The following CHL1 variants were observed in gnomAD, a reference collection of about 807,000 sequenced individuals.
The protein encoded by CHL1 is neural cell adhesion molecule L1-like protein.
CHL1 carries 96 observed loss-of-function variants against 141.9 expected under a neutral mutation model. The ratio of observed to expected loss-of-function variants is 0.68; its 90% confidence interval spans 0.57 to 0.80. The LOEUF is 0.80. Among genes scored for constraint, CHL1 ranks in the 30% least tolerant of loss-of-function variants. The probability of loss-of-function intolerance (pLI) is 0.00; values close to 1 mark genes in which losing one functional copy is unlikely to be tolerated. For missense variants in CHL1, 1,820 were observed against 1,457.2 expected, an observed-to-expected ratio of 1.25 and a Z score of -4.05; for synonymous variants, 613 against 502.2, an observed-to-expected ratio of 1.22 and a Z score of -2.95.
intron 2 of CHL1, among the ~76,000 whole-genome samples, chr3:256,733 C>G (rs1166285950): frequency 6.6e-6 from 1 of 152,116 alleles, no homozygotes; most frequent in East Asian, 1.9e-4. Flanking sequence ...AATTTGGGAA[C>G]GAGGGGAGGA....
intron 1 of CHL1, among the ~76,000 whole-genome samples, chr3:240,259 AT>A (rs529463697): frequency 3.0e-3 from 459 of 152,230 alleles, no homozygotes; most frequent in African/African-American, 0.011. Flanking sequence ...AACATCCACT[AT>A]TTTTTAAATT....
chr3:398,485 T>A (rs938118964), intron 25 of CHL1, 100 bp downstream of exon 25: 13 of 614,828 alleles, frequency 2.1e-5, no homozygotes, highest in Middle Eastern at 3.3e-4. Flanking sequence ...AAACACTGAG[T>A]GTATTAATTA....
chr3:283,317 A>G (rs1696829442), intron 2 of CHL1, among the ~76,000 whole-genome samples: 1 of 152,230 alleles, frequency 6.6e-6, no homozygotes, highest in Non-Finnish European at 1.5e-5. Flanking sequence ...TTGCTATTAA[A>G]TAGAATGAAT....
chr3:331,613 T>G (rs1353128521), intron 5 of CHL1, among the ~76,000 whole-genome samples: 1 of 152,124 alleles, frequency 6.6e-6, no homozygotes. Flanking sequence ...CTACATTTGA[T>G]TTTAGATCCT....
At chr3:334,019 C>T (rs1053313289) in intron 5 of CHL1, among the ~76,000 whole-genome samples, 3 of 152,070 alleles carry the variant, frequency 2.0e-5, no homozygotes, top group African/African-American at 7.2e-5. Context: ...TGCAGTGGTA[C>T]AAACATGGCT....
intron 19 of CHL1, among the ~76,000 whole-genome samples, chr3:386,741 C>A (rs1027718121): frequency 2.0e-5 from 3 of 151,926 alleles, no homozygotes; most frequent in Admixed American, 6.6e-5. Context: ...CCTAATGGAT[C>A]TAGGTTTTAT....
Position 405,824 on chromosome 3 carries a change from C to T in CHL1, c.*113C>T. The T allele has an allele frequency of 1.4e-6, 1 of 724,456 alleles. No homozygotes were observed. Among genetic ancestry groups the T allele is most frequent in the Non-Finnish European group, 2.3e-6 (1 of 435,064 alleles). The allele number at this position is 724,456 out of a possible 1,614,324, so 44.9% of individuals were successfully genotyped here. A position where few individuals can be genotyped will look rare whatever the true frequency, so the allele number is the denominator to read the frequency against. On this transcript the variant is annotated 3_prime_UTR_variant, in exon 28 of 28. Coordinates refer to ENST00000256509, the MANE Select transcript of CHL1 (RefSeq NM_006614.4). ...GAAACATGCTGGCCGAAGATTTCAT[C>T]CAGAAGTCAACATCCTGCAATTATG...
chr3:223,043 C>A (rs1421142086), intron 1 of CHL1, among the ~76,000 whole-genome samples: 1 of 152,152 alleles, frequency 6.6e-6, no homozygotes, highest in East Asian at 1.9e-4. Context: ...TAATCCAGGA[C>A]AATATCTCCC....
intron 3 of CHL1, among the ~76,000 whole-genome samples, chr3:320,918 G>A (rs1484663731): frequency 6.6e-6 from 1 of 151,848 alleles, no homozygotes; most frequent in African/African-American, 2.4e-5. Context: ...TAGAGGTGTT[G>A]GTTGTTTATT....
chr3:224,543 C>T (rs1456853264), intron 1 of CHL1, among the ~76,000 whole-genome samples: 1 of 152,020 alleles, frequency 6.6e-6, no homozygotes, highest in Non-Finnish European at 1.5e-5. Context: ...CTAAGTCTCT[C>T]TCTAGCTTCT....
intron 4 of CHL1, 105 bp downstream of exon 4, chr3:326,169 A>G: frequency 1.5e-6 from 1 of 651,476 alleles, no homozygotes; most frequent in Non-Finnish European, 2.5e-6. Flanking sequence ...TCCACGCATG[A>G]TTAAAGCTAA....
chr3:358,903 G>T (rs955211476), intron 11 of CHL1, among the ~76,000 whole-genome samples: 6 of 149,890 alleles, frequency 4.0e-5, no homozygotes, highest in African/African-American at 1.5e-4. Context: ...TTTTGCATTT[G>T]TGCCCTTCCC....
intron 2 of CHL1, among the ~76,000 whole-genome samples, chr3:255,601 T>A (rs1021085572): frequency 6.6e-6 from 1 of 152,218 alleles, no homozygotes; most frequent in Non-Finnish European, 1.5e-5. Flanking sequence ...TGGGCAAGTA[T>A]CTGTGCTCAA....
Position 361,811 on chromosome 3 carries a change from G to T in CHL1, c.1418+1G>T. 6.3e-7 allele frequency: 1 copy of T among 1,590,090 alleles called. No individual in the cohort carries two copies. Among genetic ancestry groups the T allele is most frequent in the Non-Finnish European group, 8.6e-7 (1 of 1,158,300 alleles). ...CTTCACCTGAGGCAGTCGTGTCCTGGTAAGCCGGTGGCTCATGGTTTTCTT... is the reference window on the plus strand; with the variant it reads ...CTTCACCTGAGGCAGTCGTGTCCTGTTAAGCCGGTGGCTCATGGTTTTCTT... On this transcript the variant is annotated splice_donor_variant, in intron 13 of 27. Coordinates refer to ENST00000256509, the MANE Select transcript of CHL1 (RefSeq NM_006614.4). LOFTEE classifies it high-confidence loss of function.
intron 2 of CHL1, among the ~76,000 whole-genome samples, chr3:259,577 G>T (rs1001930394): frequency 1.8e-4 from 27 of 152,006 alleles, no homozygotes; most frequent in Admixed American, 2.6e-4. Flanking sequence ...ATGTCCCATT[G>T]CTTGTTATCT....
rs186665607 is a variant in CHL1 at position 225,733 on chromosome 3, A to G, written c.-174-18880A>G. Among the ~76,000 whole-genome samples the G allele has an allele frequency of 9.0e-3, 1,375 of 152,112 alleles. 18 individuals are homozygous for G. Among genetic ancestry groups the G allele is most frequent in the African/African-American group, 0.029 (1,208 of 41,526 alleles). ...AACAGTTAAGAATAGGTTATGGCCA[A>G]GCGTGGTGGCTCACGCCTGTAATCC... On this transcript the variant is annotated intron_variant, in intron 1 of 27. Coordinates refer to ENST00000256509, the MANE Select transcript of CHL1 (RefSeq NM_006614.4).
At chr3:323,739 C>T (rs1249622264) in intron 3 of CHL1, among the ~76,000 whole-genome samples, 2 of 152,036 alleles carry the variant, frequency 1.3e-5, no homozygotes, top group Non-Finnish European at 2.9e-5. Flanking sequence ...GCAGAGATGG[C>T]CTTTAGTTCT....
At chr3:223,490 T>G (rs1416388447) in intron 1 of CHL1, among the ~76,000 whole-genome samples, 1 of 152,186 alleles carries the variant, frequency 6.6e-6, no homozygotes, top group East Asian at 1.9e-4. Context: ...ATAAGACCTA[T>G]CTCAGAAGGT....
intron 1 of CHL1, among the ~76,000 whole-genome samples, chr3:208,249 T>C (rs1699607293): frequency 6.6e-6 from 1 of 152,224 alleles, no homozygotes; most frequent in Admixed American, 6.5e-5. Flanking sequence ...TTATTACTAA[T>C]AAACCATTTT....
Sources: gnomAD v4.1 joint callset for allele counts (sites outside exome capture counted in the v4.1 genomes callset) on GRCh38, gnomAD v4.1.1 for gene constraint, MANE v1.5 for transcripts, NCBI Gene and HGNC (gene_info 2026-07-23, HGNC 2026-07-21) for gene names.